Variants in GAS2 observed in about 807,000 individuals in gnomAD.
The protein encoded by GAS2 is growth arrest specific 2, also known as growth arrest-specific protein 2.
In GAS2, 20 loss-of-function variants were observed where a neutral mutation model predicts 37.5. The observed-to-expected ratio is 0.53, with a 90% CI of 0.37 to 0.77. The LOEUF (loss-of-function observed/expected upper bound fraction) is 0.77, where lower values mean the gene tolerates loss of function less well. GAS2 is among the 30% of genes least tolerant of loss of function. The probability of loss-of-function intolerance (pLI) is 0.00; values close to 1 mark genes in which losing one functional copy is unlikely to be tolerated. For missense variants in GAS2, 336 were observed against 373.4 expected (o/e 0.90, Z 0.82); for synonymous variants, 144 against 132.2 (o/e 1.09, Z -0.61).
chr11:22,775,491 G>C (rs1449949497), intron 7 of GAS2, among the ~76,000 whole-genome samples: 1 of 152,164 alleles, frequency 6.6e-6, no homozygotes, highest in Non-Finnish European at 1.5e-5. Flanking sequence ...ACATCTGCCT[G>C]GCATGGAGGA....
intron 7 of GAS2, among the ~76,000 whole-genome samples, chr11:22,790,336 T>C (rs1050346984): frequency 1.3e-5 from 2 of 152,190 alleles, no homozygotes; most frequent in Non-Finnish European, 2.9e-5. Context: ...GTTGTGCACA[T>C]GTACCCTAAA....
At chr11:22,696,843 G>A (rs1225270782) in intron 3 of GAS2, among the ~76,000 whole-genome samples, 6 of 149,090 alleles carry the variant, frequency 4.0e-5, no homozygotes, top group African/African-American at 1.5e-4. Context: ...CTGGATATTA[G>A]CCCTTTGTCA....
intron 3 of GAS2, among the ~76,000 whole-genome samples, chr11:22,715,189 G>A (rs897955339): frequency 3.3e-5 from 5 of 152,068 alleles, no homozygotes; most frequent in African/African-American, 1.2e-4. Flanking sequence ...TGCCACAGGT[G>A]TGGTGGCTTA....
At chr11:22,657,226 AC>A (rs1848865672) in intron 1 of GAS2, among the ~76,000 whole-genome samples, 1 of 152,178 alleles carries the variant, frequency 6.6e-6, no homozygotes, top group Non-Finnish European at 1.5e-5. Flanking sequence ...ACTCTTTGTT[AC>A]CTCTCCAAGT....
At chr11:22,661,530 C>G (rs1326047087) in intron 1 of GAS2, among the ~76,000 whole-genome samples, 1 of 152,136 alleles carries the variant, frequency 6.6e-6, no homozygotes, top group African/African-American at 2.4e-5. Flanking sequence ...GCTCAGAGCA[C>G]TGGACATAGA....
At chr11:22,713,170 T>A (rs1851496392) in intron 3 of GAS2, among the ~76,000 whole-genome samples, 1 of 149,278 alleles carries the variant, frequency 6.7e-6, no homozygotes, top group African/African-American at 2.5e-5. Flanking sequence ...TAAAGGACAA[T>A]CACAACTTCT....
chr11:22,652,748 C>T (rs961593783), intron 1 of GAS2, among the ~76,000 whole-genome samples: 1 of 152,244 alleles, frequency 6.6e-6, no homozygotes, highest in Admixed American at 6.5e-5. Context: ...CTTGCGCTTC[C>T]CCAGTGAGGC....
chr11:22,808,056 G>A (rs1856977532), intron 7 of GAS2, among the ~76,000 whole-genome samples: 1 of 152,132 alleles, frequency 6.6e-6, no homozygotes, highest in Non-Finnish European at 1.5e-5. Context: ...TCAGTTCTAT[G>A]GGACACTTGG....
intron 7 of GAS2, among the ~76,000 whole-genome samples, chr11:22,801,263 A>T (rs1450340204): frequency 6.6e-6 from 1 of 152,030 alleles, no homozygotes; most frequent in Non-Finnish European, 1.5e-5. Context: ...AGACCCCTTG[A>T]TACTGCAGTG....
At chr11:22,631,871 AAT>A (rs953942746) in intron 1 of GAS2, among the ~76,000 whole-genome samples, 6 of 151,464 alleles carry the variant, frequency 4.0e-5, no homozygotes, top group African/African-American at 1.2e-4. Flanking sequence ...AATCTTTTGC[AAT>A]AGTTTCAGTA....
intron 3 of GAS2, among the ~76,000 whole-genome samples, chr11:22,689,907 A>G (rs1202262320): frequency 6.6e-6 from 1 of 152,216 alleles, no homozygotes; most frequent in Non-Finnish European, 1.5e-5. Flanking sequence ...TGGTGGCGAA[A>G]ATGGATGAAT....
intron 7 of GAS2, among the ~76,000 whole-genome samples, chr11:22,757,635 AT>A (rs1208690574): frequency 6.6e-6 from 1 of 152,174 alleles, no homozygotes; most frequent in Non-Finnish European, 1.5e-5. Context: ...TTAATCATTT[AT>A]TCTCTTGATT....
chr11:22,672,019 A>G lies in GAS2; in HGVS notation c.-20-2831A>G, dbSNP rs557914686. On this transcript the variant is annotated intron_variant, in intron 1 of 7. Coordinates refer to ENST00000454584, the MANE Select transcript of GAS2 (RefSeq NM_001143830.3). ...AAGGATCATGAGAAATTGGATTGAG[A>G]ATCTGAATTCTTTTAAGAAGGGGCT... Among the ~76,000 whole-genome samples the G allele has an allele frequency of 8.7e-4, 133 of 152,242 alleles. 1 individual carries two copies. Among genetic ancestry groups the G allele is most frequent in the African/African-American group, 3.1e-3 (127 of 41,572 alleles).
Position 22,739,287 on chromosome 11 carries a change from G to A in GAS2, c.473+1519G>A, listed in dbSNP as rs150830760. 9.6e-3 allele frequency among the ~76,000 whole-genome samples: 1,468 copies of A among 152,166 alleles called. 9 individuals are homozygous for A. Among genetic ancestry groups the A allele is most frequent in the South Asian group, 0.018 (85 of 4,820 alleles). On this transcript the variant is annotated intron_variant, in intron 5 of 7. Coordinates refer to ENST00000454584, the MANE Select transcript of GAS2 (RefSeq NM_001143830.3). ...TCGGCATCTATTGCTTAAGAAAGGG[G>A]AAGTTGGCCGGGCGCTGTGGCTCAT...
At chr11:22,706,080 G>A (rs922601141) in intron 3 of GAS2, among the ~76,000 whole-genome samples, 1 of 152,188 alleles carries the variant, frequency 6.6e-6, no homozygotes, top group African/African-American at 2.4e-5. Context: ...TGAGACCAAA[G>A]CTAAGTCTTG....
At chr11:22,678,279 G>T (rs1335870988) in intron 2 of GAS2, among the ~76,000 whole-genome samples, 1 of 137,784 alleles carries the variant, frequency 7.3e-6, no homozygotes, top group Non-Finnish European at 1.6e-5. Flanking sequence ...TAAATTTATA[G>T]TTATGTTAGA....
At chr11:22,743,927 A>G (rs1254679804) in intron 5 of GAS2, among the ~76,000 whole-genome samples, 1 of 152,150 alleles carries the variant, frequency 6.6e-6, no homozygotes, top group African/African-American at 2.4e-5. Context: ...GAGAAGATCC[A>G]AAGAAGCTCA....
chr11:22,724,917 AT>A (rs906920015), intron 3 of GAS2, among the ~76,000 whole-genome samples: 95 of 149,254 alleles, frequency 6.4e-4, no homozygotes, highest in African/African-American at 1.9e-3. Context: ...CTAAGCCACT[AT>A]TTTTTTTTTA....
At chr11:22,731,745 A>G (rs1049739075) in intron 4 of GAS2, among the ~76,000 whole-genome samples, 1 of 151,748 alleles carries the variant, frequency 6.6e-6, no homozygotes, top group African/African-American at 2.4e-5. Flanking sequence ...GTCTATATTG[A>G]AGACTATAAG....
Sources: gnomAD v4.1 joint callset for allele counts (sites outside exome capture counted in the v4.1 genomes callset) on GRCh38, gnomAD v4.1.1 for gene constraint, MANE v1.5 for transcripts, NCBI Gene and HGNC (gene_info 2026-07-23, HGNC 2026-07-21) for gene names.